TM6SF1: variants seen among roughly 807,000 people sequenced by gnomAD.
The protein encoded by TM6SF1 is transmembrane 6 superfamily member 1.
Under a neutral mutation model 47.1 loss-of-function variants are expected in TM6SF1, and 43 were observed. That is an observed-to-expected ratio of 0.91 (90% CI 0.72 to 1.18). The LOEUF is 1.18. Ranked by LOEUF, TM6SF1 falls within the 50% of genes most tolerant of loss-of-function variation. The pLI is 0.00. For synonymous variants in TM6SF1, 177 were observed against 166.3 expected, an observed-to-expected ratio of 1.06 and a Z score of -0.49; for missense variants, 390 against 449.0, an observed-to-expected ratio of 0.87 and a Z score of 1.19.
chr15:83,127,501 A>T (rs1286689335), intron 9 of TM6SF1, 24 bp downstream of exon 9: 12 of 1,611,824 alleles, frequency 7.4e-6, no homozygotes, highest in Non-Finnish European at 1.0e-5. Context: ...TCTGTTGAGA[A>T]GGTTTACTTG....
intron 3 of TM6SF1, among the ~76,000 whole-genome samples, chr15:83,118,656 T>C (rs1815586768): frequency 6.6e-6 from 1 of 152,110 alleles, no homozygotes; most frequent in Non-Finnish European, 1.5e-5. Flanking sequence ...GCTTGGCTGA[T>C]TGATGGGCTG....
At chr15:83,126,666 G>T in intron 7 of TM6SF1, 89 bp from the exon 8 acceptor site, 1 of 1,012,768 alleles carries the variant, frequency 9.9e-7, no homozygotes, top group Non-Finnish European at 1.5e-6. Flanking sequence ...AAAGCAGCTT[G>T]TGACTAAACC....
chr15:83,122,906 T>C, intron 6 of TM6SF1, 28 bp downstream of exon 6: 1 of 1,612,110 alleles, frequency 6.2e-7, no homozygotes, highest in Non-Finnish European at 8.5e-7. Flanking sequence ...TGATGTACCC[T>C]GTTCTCAAAC....
chr15:83,109,167 G>C (rs1732505691), intron 1 of TM6SF1, among the ~76,000 whole-genome samples: 1 of 152,204 alleles, frequency 6.6e-6, no homozygotes, highest in African/African-American at 2.4e-5. Flanking sequence ...AAAATAGGGT[G>C]ACTGGGGAGG....
intron 4 of TM6SF1, among the ~76,000 whole-genome samples, chr15:83,120,772 G>C (rs966132259): frequency 6.6e-6 from 1 of 151,830 alleles, no homozygotes; most frequent in African/African-American, 2.4e-5. Context: ...CACCATGTTG[G>C]CCAGGCTGGT....
intron 1 of TM6SF1, 33 bp from the exon 2 acceptor site, chr15:83,112,763 GA>G (rs776467502): frequency 8.1e-6 from 12 of 1,479,190 alleles, no homozygotes; most frequent in Non-Finnish European, 1.1e-5. Flanking sequence ...TGTTTATTTT[GA>G]TAGTGACCAC....
intron 7 of TM6SF1, 95 bp from the exon 8 acceptor site, chr15:83,126,660 C>T: frequency 1.1e-6 from 1 of 945,554 alleles, no homozygotes; most frequent in South Asian, 1.6e-5. Flanking sequence ...AACAGCAAAG[C>T]AGCTTGTGAC....
chr15:83,121,528 G>GT (rs1167563024), intron 4 of TM6SF1, among the ~76,000 whole-genome samples: 1 of 152,134 alleles, frequency 6.6e-6, no homozygotes, highest in Non-Finnish European at 1.5e-5. Context: ...CATTATCATT[G>GT]TAAGTATAAC....
chr15:83,116,227 GT>G (rs2034648393), intron 3 of TM6SF1, among the ~76,000 whole-genome samples: 2 of 152,172 alleles, frequency 1.3e-5, no homozygotes, highest in Non-Finnish European at 1.5e-5. Context: ...TATAAATAAG[GT>G]ACCTTAAATG....
chr15:83,132,718 T>C (rs2036337698), intron 9 of TM6SF1: 1 of 152,054 alleles, frequency 6.6e-6, no homozygotes, highest in Non-Finnish European at 1.5e-5. Context: ...ATACGGTTTT[T>C]CCCTCATGGA....
At chr15:83,108,436 C>G (rs914606294) in intron 1 of TM6SF1, among the ~76,000 whole-genome samples, 6 of 151,578 alleles carry the variant, frequency 4.0e-5, no homozygotes, top group African/African-American at 1.5e-4. Flanking sequence ...TGGAGAAGTG[C>G]TTCCCAGTGC....
At chr15:83,120,659 C>T (rs1169799311) in intron 4 of TM6SF1, among the ~76,000 whole-genome samples, 1 of 151,308 alleles carries the variant, frequency 6.6e-6, no homozygotes, top group Non-Finnish European at 1.5e-5. Flanking sequence ...CAATCTCCGC[C>T]TCCCAGGTTC....
chr15:83,126,922 G>A (rs918217072), intron 8 of TM6SF1, 75 bp downstream of exon 8: 28 of 1,194,132 alleles, frequency 2.3e-5, no homozygotes, highest in Non-Finnish European at 3.4e-5. Context: ...GCTGGGTGCG[G>A]TGGCTCACGC....
At chr15:83,123,010 A>G in intron 6 of TM6SF1, 132 bp downstream of exon 6, 1 of 943,096 alleles carries the variant, frequency 1.1e-6, no homozygotes, top group East Asian at 2.5e-5. Context: ...GACTGTTTTG[A>G]TTATGTAGCA....
At chr15:83,120,430 T>C (rs2035113176) in intron 4 of TM6SF1, among the ~76,000 whole-genome samples, 1 of 152,152 alleles carries the variant, frequency 6.6e-6, no homozygotes, top group Non-Finnish European at 1.5e-5. Flanking sequence ...GGGAGGGGTC[T>C]TTTCAAAACA....
At chr15:83,120,845 C>A (rs1229997876) in intron 4 of TM6SF1, among the ~76,000 whole-genome samples, 1 of 151,290 alleles carries the variant, frequency 6.6e-6, no homozygotes, top group Non-Finnish European at 1.5e-5. Flanking sequence ...GGATTACAGG[C>A]GTGAACCACC....
At chr15:83,134,386 A>C (rs1256666950) in intron 9 of TM6SF1, 1 of 152,020 alleles carries the variant, frequency 6.6e-6, no homozygotes, top group African/African-American at 2.4e-5. Flanking sequence ...ACGCCCGGCT[A>C]ATTTTTTGTA....
chr15:83,111,683 T>C, intron 1 of TM6SF1: 1 of 985,378 alleles, frequency 1.0e-6, no homozygotes, highest in Non-Finnish European at 1.2e-6. Context: ...GAGGTCCTGG[T>C]GTAGCAGGCC....
chr15:83,112,417 G>A (rs1567132290), intron 1 of TM6SF1, among the ~76,000 whole-genome samples: 1 of 152,200 alleles, frequency 6.6e-6, no homozygotes, highest in Non-Finnish European at 1.5e-5. Context: ...CAGAGTCAGT[G>A]GTGAGGCCTG....
Sources: allele counts gnomAD v4.1 joint callset (sites outside exome capture counted in the v4.1 genomes callset), GRCh38; gene constraint gnomAD v4.1.1; transcripts MANE v1.5; gene names NCBI Gene and HGNC (gene_info 2026-07-23, HGNC 2026-07-21).